Variants in PRKG1 observed in about 807,000 individuals in gnomAD.
PRKG1 encodes protein kinase cGMP-dependent 1.
Under a neutral mutation model 88.1 loss-of-function variants are expected in PRKG1, and 35 were observed. The ratio of observed to expected loss-of-function variants is 0.40; its 90% CI spans 0.30 to 0.53. The LOEUF is 0.53. Ranked by LOEUF, PRKG1 falls within the 20% of genes least tolerant of loss-of-function variation. PRKG1 has a pLI of 0.59. For synonymous variants in PRKG1, 303 were observed against 292.5 expected, an observed-to-expected ratio of 1.04 and a Z score of -0.37; for missense variants, 540 against 839.8, an observed-to-expected ratio of 0.64 and a Z score of 4.41.
At chr10:51,641,649 T>G (rs935700871) in intron 3 of PRKG1, among the ~76,000 whole-genome samples, 1 of 151,884 alleles carries the variant, frequency 6.6e-6, no homozygotes, top group Non-Finnish European at 1.5e-5. Flanking sequence ...TAATTGCGGT[T>G]GTTGCCACTG....
chr10:51,120,806 G>T (rs1327263665), intron 1 of PRKG1, among the ~76,000 whole-genome samples: 2 of 152,026 alleles, frequency 1.3e-5, no homozygotes, highest in East Asian at 3.9e-4. Context: ...TCCTATTGTT[G>T]CTGTAACAAT....
intron 3 of PRKG1, among the ~76,000 whole-genome samples, chr10:51,538,776 C>T (rs988576515): frequency 1.3e-5 from 2 of 151,854 alleles, no homozygotes; most frequent in African/African-American, 4.8e-5. Flanking sequence ...TGAACTTTTC[C>T]AGCCATTAAA....
chr10:52,175,397 A>G (rs1455219388), intron 9 of PRKG1, among the ~76,000 whole-genome samples: 1 of 152,056 alleles, frequency 6.6e-6, no homozygotes. Context: ...TTGAATCCAT[A>G]TCAACACCCA....
rs370640208 is a variant in PRKG1 at position 51,804,634 on chromosome 10, A to C, written c.642A>C (p.Thr214=). ...LWAIDRQCFQ[T]IMMRTGLIKH... is the part of the protein sequence containing the mutation. ...CCATTGATCGACAATGTTTTCAAAC[A>C]ATAATGATGAGGACAGGACTCATCA... is the stretch of plus-strand genomic sequence containing the variant. The change falls in exon 4 of 18, where the codon ACA becomes ACC. Residue 214 remains threonine (T), a synonymous_variant. Transcript: ENST00000373980. 27 of 1,604,854 alleles carry C rather than the reference A, an allele frequency of 1.7e-5. No homozygotes were observed. The South Asian group carries it at 2.6e-4, about 16-fold the overall frequency.
At chr10:51,892,418 A>G (rs1185945681) in intron 4 of PRKG1, among the ~76,000 whole-genome samples, 3 of 152,166 alleles carry the variant, frequency 2.0e-5, no homozygotes, top group East Asian at 3.9e-4. Context: ...AAGGATTAAG[A>G]GTCCTAGACC....
intron 3 of PRKG1, among the ~76,000 whole-genome samples, chr10:51,621,094 A>G (rs1015577842): frequency 4.0e-5 from 6 of 149,122 alleles, no homozygotes; most frequent in African/African-American, 1.5e-4. Flanking sequence ...AAACTGACAT[A>G]TATGTGTGTG....
intron 5 of PRKG1, among the ~76,000 whole-genome samples, chr10:52,018,880 G>A (rs79143797): frequency 0.049 from 7,449 of 152,266 alleles, 460 homozygotes; most frequent in African/African-American, 0.14. Flanking sequence ...TAGGCCAACT[G>A]TGTTTGCTAA....
intron 2 of PRKG1, among the ~76,000 whole-genome samples, chr10:51,416,361 C>T (rs1838237219): frequency 6.6e-6 from 1 of 151,948 alleles, no homozygotes; most frequent in Non-Finnish European, 1.5e-5. Flanking sequence ...AACATTGTAC[C>T]TAACAATTAC....
intron 2 of PRKG1, among the ~76,000 whole-genome samples, chr10:51,164,489 G>A (rs544054604): frequency 1.9e-4 from 29 of 152,250 alleles, no homozygotes; most frequent in African/African-American, 6.3e-4. Context: ...AAAGCAGAGC[G>A]CCTCTCCTCC....
chr10:51,337,917 A>G (rs376009582), intron 2 of PRKG1, among the ~76,000 whole-genome samples: 8 of 152,358 alleles, frequency 5.3e-5, no homozygotes, highest in African/African-American at 1.9e-4. Context: ...CCAAAGGAAT[A>G]TAAATCATTC....
At chr10:51,985,550 A>G (rs1368456885) in intron 5 of PRKG1, among the ~76,000 whole-genome samples, 1 of 152,208 alleles carries the variant, frequency 6.6e-6, no homozygotes, top group Non-Finnish European at 1.5e-5. Context: ...AGCTCTTGGC[A>G]CATCAGCTGG....
intron 3 of PRKG1, among the ~76,000 whole-genome samples, chr10:51,678,663 G>A (rs1491002565): frequency 6.6e-6 from 1 of 152,162 alleles, no homozygotes; most frequent in Admixed American, 6.5e-5. Flanking sequence ...TAAGAAAATG[G>A]GTTTGTAATT....
intron 3 of PRKG1, among the ~76,000 whole-genome samples, chr10:51,724,286 G>A (rs918463162): frequency 3.3e-5 from 5 of 152,150 alleles, no homozygotes; most frequent in African/African-American, 1.2e-4. Flanking sequence ...AAATATATTT[G>A]CTGATATGGA....
At chr10:51,121,829 G>A (rs1007345004) in intron 1 of PRKG1, among the ~76,000 whole-genome samples, 2 of 152,148 alleles carry the variant, frequency 1.3e-5, no homozygotes, top group Non-Finnish European at 1.5e-5. Flanking sequence ...GTCTTGCACA[G>A]TAATATATTT....
intron 3 of PRKG1, among the ~76,000 whole-genome samples, chr10:51,797,067 CT>C (rs757959678): frequency 6.6e-6 from 1 of 151,702 alleles, no homozygotes; most frequent in African/African-American, 2.4e-5. Context: ...GTAAAACAAG[CT>C]TTTATCTGGA....
chr10:52,282,072 A>G, intron 13 of PRKG1, 81 bp from the exon 14 acceptor site: 1 of 1,284,380 alleles, frequency 7.8e-7, no homozygotes. Context: ...TATTATCATC[A>G]TCAGTGTGCT....
At chr10:51,744,274 G>A (rs1179795056) in intron 3 of PRKG1, among the ~76,000 whole-genome samples, 1 of 152,154 alleles carries the variant, frequency 6.6e-6, no homozygotes, top group East Asian at 1.9e-4. Context: ...TGAATGTTGA[G>A]AAACGTGCCC....
At chr10:52,174,187 T>G (rs1838792807) in intron 9 of PRKG1, among the ~76,000 whole-genome samples, 1 of 151,960 alleles carries the variant, frequency 6.6e-6, no homozygotes, top group South Asian at 2.1e-4. Context: ...CTTTATGATA[T>G]TACTTAAACA....
At chr10:52,237,380 T>C (rs1265013671) in intron 9 of PRKG1, among the ~76,000 whole-genome samples, 3 of 131,750 alleles carry the variant, frequency 2.3e-5, no homozygotes, top group Non-Finnish European at 4.8e-5. Context: ...AGTCAAATTG[T>C]CCCTGTTTGC....
Sources: gnomAD v4.1 joint callset for allele counts (sites outside exome capture counted in the v4.1 genomes callset) on GRCh38, gnomAD v4.1.1 for gene constraint, MANE v1.5 for transcripts, NCBI Gene and HGNC (gene_info 2026-07-23, HGNC 2026-07-21) for gene names.